Variants in TSHR observed in about 807,000 individuals in gnomAD.
TSHR encodes the protein thyrotropin receptor.
In TSHR, 51 loss-of-function variants were observed where a neutral mutation model predicts 64.1. That is an observed-to-expected ratio of 0.80 (90% CI 0.64 to 1.01). The LOEUF is 1.01. Among genes scored for constraint, TSHR ranks in the 50% least tolerant of loss-of-function variants. TSHR has a pLI of 0.00. For missense variants in TSHR, 877 were observed against 942.8 expected (o/e 0.93, Z 0.91); for synonymous variants, 361 against 361.9 (o/e 1.00, Z 0.03).
At chr14:81,001,437 G>A (rs1889311009) in intron 1 of TSHR, 1 of 474,734 alleles carries the variant, frequency 2.1e-6, no homozygotes, top group Non-Finnish European at 4.2e-6. Context: ...AATCTTAGGT[G>A]CTTTATTTAC....
chr14:81,093,976 C>G (rs182838910), intron 6 of TSHR, among the ~76,000 whole-genome samples: 139 of 152,176 alleles, frequency 9.1e-4, no homozygotes, highest in African/African-American at 3.0e-3. Context: ...TCAAGCACCC[C>G]CCTCAAGTGA....
At chr14:80,974,036 A>G (rs1334548376) in intron 1 of TSHR, among the ~76,000 whole-genome samples, 1 of 152,184 alleles carries the variant, frequency 6.6e-6, no homozygotes, top group Non-Finnish European at 1.5e-5. Context: ...TGCTCTCCCC[A>G]CAATGAGTGA....
At chr14:81,119,945 C>T (rs1595146446) in intron 8 of TSHR, among the ~76,000 whole-genome samples, 1 of 110,880 alleles carries the variant, frequency 9.0e-6, no homozygotes, top group Non-Finnish European at 1.8e-5. Context: ...AACCAAACAC[C>T]GCATATTCTC....
At chr14:81,072,379 A>G (rs1481779854) in intron 3 of TSHR, among the ~76,000 whole-genome samples, 1 of 152,212 alleles carries the variant, frequency 6.6e-6, no homozygotes, top group Non-Finnish European at 1.5e-5. Flanking sequence ...AGGTCTTTGA[A>G]TTATCTGAGA....
intron 1 of TSHR, among the ~76,000 whole-genome samples, chr14:81,000,814 G>C (rs1594937476): frequency 1.3e-5 from 2 of 152,148 alleles, no homozygotes; most frequent in East Asian, 1.9e-4. Flanking sequence ...TTAATTAAGA[G>C]GGGAATATTG....
chr14:81,088,558 C>T (rs1421026609), intron 4 of TSHR, among the ~76,000 whole-genome samples: 1 of 152,170 alleles, frequency 6.6e-6, no homozygotes, highest in East Asian at 1.9e-4. Context: ...ATCCAGGGAC[C>T]ACAACATTTT....
chr14:81,120,411 A>G lies in TSHR; in HGVS notation c.692+11959A>G, dbSNP rs566023726. 2.6e-5 allele frequency among the ~76,000 whole-genome samples: 4 copies of G among 152,168 alleles called. No homozygotes were observed. The South Asian group carries it at 8.3e-4, about 32-fold the overall frequency. ...TCTTTCACCTCCTTGGTTTAAATTT[A>G]TTCCTAGTTTTTGTTTTGTTTTGAT... On this transcript the variant is annotated intron_variant, in intron 8 of 9. Coordinates refer to ENST00000298171, the MANE Select transcript of TSHR (RefSeq NM_000369.5).
rs180950119 is a variant in TSHR at position 81,144,003 on chromosome 14, C to A, written c.1945C>A (p.Leu649Met). The A allele has an allele frequency of 5.0e-5, 80 of 1,614,184 alleles. No individual in the cohort carries two copies. Among genetic ancestry groups the A allele is most frequent in the Non-Finnish European group, 6.6e-5 (78 of 1,180,040 alleles). Reference sequence around the variant, plus strand: ...CTCATTCTATGCTCTGTCAGCAATTCTGAACAAGCCTCTCATCACTGTTAG... The same window carrying A: ...CTCATTCTATGCTCTGTCAGCAATTATGAACAAGCCTCTCATCACTGTTAG... Reference protein sequence around the residue: ...PISFYALSAILNKPLITVSNS... With the variant: ...PISFYALSAIMNKPLITVSNS... Residue 649 changes from leucine (L) to methionine (M), a missense_variant, in exon 10 of 10, where the codon CTG becomes ATG. Transcript: ENST00000298171.
chr14:80,993,620 A>G (rs917757194), intron 1 of TSHR: 24 of 152,292 alleles, frequency 1.6e-4, no homozygotes, highest in African/African-American at 5.8e-4. Flanking sequence ...AAATAATGTA[A>G]GGGCAAAAAT....
At position 81,143,084 on chromosome 14, in the gene TSHR, G is replaced by A. The variant is rs750013387; in HGVS notation, c.1026G>A (p.Lys342=). 6.2e-7 allele frequency: 1 copy of A among 1,614,180 alleles called. No individual in the cohort carries two copies. Among genetic ancestry groups the A allele is most frequent in the Admixed American group, 1.7e-5 (1 of 60,024 alleles). The stretch of plus-strand genomic sequence containing the variant: ...TTGTTGGGTACAAGGAAAAGTCCAA[G>A]TTCCAGGATACTCATAACAACGCTC... ...DSIVGYKEKS[K]FQDTHNNAHY... is the part of the protein sequence containing the mutation. The change falls in exon 10 of 10, where the codon AAG becomes AAA. Residue 342 remains lysine (K), a synonymous_variant. Coordinates refer to ENST00000298171, the MANE Select transcript of TSHR (RefSeq NM_000369.5).
At chr14:81,089,287 C>T (rs1017712651) in intron 4 of TSHR, among the ~76,000 whole-genome samples, 2 of 151,976 alleles carry the variant, frequency 1.3e-5, no homozygotes, top group African/African-American at 4.8e-5. Context: ...TGTGCCTGGC[C>T]AATAGTTGTA....
intron 1 of TSHR, among the ~76,000 whole-genome samples, chr14:81,008,047 G>T (rs1201245039): frequency 6.6e-6 from 1 of 152,148 alleles, no homozygotes; most frequent in Non-Finnish European, 1.5e-5. Flanking sequence ...GAGAGTAGGG[G>T]TATGTCTATT....
chr14:81,033,529 T>C (rs1188547218), intron 1 of TSHR: 1 of 149,824 alleles, frequency 6.7e-6, no homozygotes, highest in Non-Finnish European at 1.5e-5. Context: ...AAAAGTTTAG[T>C]AAAAATCAGT....
At chr14:81,005,197 T>TTGTGTGTGTGTG (rs71103894) in intron 1 of TSHR, among the ~76,000 whole-genome samples, 6 of 149,790 alleles carry the variant, frequency 4.0e-5, no homozygotes, top group Non-Finnish European at 5.9e-5. Flanking sequence ...ACTCAAGCCT[T>TTGTGTGTGTGTG]TGTGTGTGTG....
chr14:80,955,982 C>G, intron 1 of TSHR, 132 bp downstream of exon 1: 1 of 1,115,266 alleles, frequency 9.0e-7, no homozygotes. Flanking sequence ...GAGTGAATGT[C>G]TGTGTGTGTA....
At chr14:81,055,056 G>A (rs1374531287) in intron 1 of TSHR, among the ~76,000 whole-genome samples, 1 of 152,074 alleles carries the variant, frequency 6.6e-6, no homozygotes, top group Non-Finnish European at 1.5e-5. Context: ...AAATGGCATG[G>A]TGGGCTGGGC....
intron 1 of TSHR, among the ~76,000 whole-genome samples, chr14:81,025,453 TA>T (rs141892199): frequency 0.081 from 12,277 of 151,674 alleles, 722 homozygotes; most frequent in East Asian, 0.31. Context: ...AATATGTAGT[TA>T]TTTTTTTTTT....
chr14:81,067,106 T>C (rs1886672268), intron 2 of TSHR, among the ~76,000 whole-genome samples: 1 of 152,194 alleles, frequency 6.6e-6, no homozygotes, highest in Non-Finnish European at 1.5e-5. Context: ...TTTAAAATCA[T>C]GAAGAGAAGT....
chr14:81,089,792 C>T (rs1459257501), intron 4 of TSHR, among the ~76,000 whole-genome samples: 1 of 152,112 alleles, frequency 6.6e-6, no homozygotes, highest in Admixed American at 6.5e-5. Context: ...TGAACTAGTT[C>T]GTTTACTGTA....
Sources: gnomAD v4.1 joint callset for allele counts (sites outside exome capture counted in the v4.1 genomes callset) on GRCh38, gnomAD v4.1.1 for gene constraint, MANE v1.5 for transcripts, NCBI Gene and HGNC (gene_info 2026-07-23, HGNC 2026-07-21) for gene names.